The following SORCS1 variants were observed in gnomAD, a reference collection of about 807,000 sequenced individuals.
SORCS1 encodes the protein sortilin related VPS10 domain containing receptor 1, also known as VPS10 domain-containing receptor SorCS1.
A neutral mutation model predicts 146.1 loss-of-function variants in SORCS1; 60 were observed. That is an observed-to-expected ratio of 0.41 (90% CI 0.33 to 0.51). SORCS1 has a LOEUF of 0.51. Among genes scored for constraint, SORCS1 ranks in the 20% least tolerant of loss-of-function variants. SORCS1 has a pLI of 0.21. For missense variants in SORCS1, 1,352 were observed against 1,487.6 expected, an observed-to-expected ratio of 0.91 and a Z score of 1.50; for synonymous variants, 637 against 584.0, an observed-to-expected ratio of 1.09 and a Z score of -1.31.
intron 1 of SORCS1, among the ~76,000 whole-genome samples, chr10:107,098,006 C>G (rs1964653558): frequency 6.6e-6 from 1 of 152,190 alleles, no homozygotes; most frequent in African/African-American, 2.4e-5. Flanking sequence ...GTAAATCTTA[C>G]TTATAAAACA....
rs895092431 is a variant in SORCS1 at position 106,945,914 on chromosome 10, G to A, written c.626+10599C>T. On this transcript the variant is annotated intron_variant, in intron 2 of 25. Transcript: ENST00000263054. Reference sequence around the variant, plus strand: ...GAATACATGCAGATCCTTATAGAACGAGCTTTCACATGGTGAGTTCTAAGA... The same window carrying A: ...GAATACATGCAGATCCTTATAGAACAAGCTTTCACATGGTGAGTTCTAAGA... Among the ~76,000 whole-genome samples, 8 of 152,276 alleles carry A rather than the reference G, an allele frequency of 5.3e-5. No individual in the cohort carries two copies. In the South Asian group the frequency reaches 6.2e-4, roughly 12 times the overall value.
At chr10:107,025,053 A>T (rs1456538262) in intron 1 of SORCS1, among the ~76,000 whole-genome samples, 1 of 152,186 alleles carries the variant, frequency 6.6e-6, no homozygotes, top group East Asian at 1.9e-4. Flanking sequence ...TGTGAAACAC[A>T]GTGTGTTACC....
intron 5 of SORCS1, among the ~76,000 whole-genome samples, chr10:106,736,292 A>G (rs930627964): frequency 6.6e-6 from 1 of 152,220 alleles, no homozygotes; most frequent in Admixed American, 6.5e-5. Flanking sequence ...TACAAAATAA[A>G]TATCATGATG....
chr10:106,773,445 C>A (rs893978795), intron 4 of SORCS1, among the ~76,000 whole-genome samples: 2 of 152,202 alleles, frequency 1.3e-5, no homozygotes, highest in Admixed American at 6.5e-5. Flanking sequence ...ACGGCTGCGG[C>A]TCACTCCCTT....
chr10:107,162,271 G>A (rs1242187718), intron 1 of SORCS1, among the ~76,000 whole-genome samples: 1 of 152,166 alleles, frequency 6.6e-6, no homozygotes, highest in African/African-American at 2.4e-5. Flanking sequence ...TGAGTCCAAA[G>A]TCTTTTACTT....
chr10:106,666,657 A>G (rs2135427424), intron 17 of SORCS1, among the ~76,000 whole-genome samples: 1 of 151,626 alleles, frequency 6.6e-6, no homozygotes, highest in South Asian at 2.1e-4. Context: ...CCTGGGTTCA[A>G]GTGATTTTCC....
At chr10:106,869,640 C>T (rs923557980) in intron 2 of SORCS1, among the ~76,000 whole-genome samples, 3 of 151,980 alleles carry the variant, frequency 2.0e-5, no homozygotes, top group Admixed American at 6.6e-5. Flanking sequence ...TAAAATTCAA[C>T]GTCTTCTATG....
intron 23 of SORCS1, among the ~76,000 whole-genome samples, chr10:106,600,046 T>G (rs192539317): frequency 6.6e-6 from 1 of 152,304 alleles, no homozygotes; most frequent in African/African-American, 2.4e-5. Context: ...CGCCTCAGCC[T>G]CCCAAAGTGC....
rs57238882 is a variant in SORCS1 at position 106,731,292 on chromosome 10, CAAAAAA to C, written c.960-1184_960-1179del. On this transcript the variant is annotated intron_variant, in intron 5 of 25. Transcript: ENST00000263054. ...TGGGTGACGGAGTGAGACTCCGTCTCAAAAAAAAAAAAAAAAAAAAAAAAAAAAAGT... is the reference window on the plus strand; with the variant it reads ...TGGGTGACGGAGTGAGACTCCGTCTCAAAAAAAAAAAAAAAAAAAAAAAGT... Among the ~76,000 whole-genome samples the C allele has an allele frequency of 2.6e-3, 61 of 23,746 alleles. 1 individual carries two copies. Among genetic ancestry groups the C allele is most frequent in the Non-Finnish European group, 4.9e-3 (54 of 11,120 alleles). 15.6% of individuals were successfully genotyped at this position (23,746 alleles called of 152,430 possible). A position where few individuals can be genotyped will look rare whatever the true frequency, so the allele number is the denominator to read the frequency against.
At chr10:106,882,776 T>A (rs951290903) in intron 2 of SORCS1, among the ~76,000 whole-genome samples, 27 of 152,144 alleles carry the variant, frequency 1.8e-4, no homozygotes, top group African/African-American at 6.5e-4. Flanking sequence ...TAGAGAATTT[T>A]AATAAGAATG....
chr10:106,928,143 C>T (rs995840786), intron 2 of SORCS1, among the ~76,000 whole-genome samples: 5 of 152,214 alleles, frequency 3.3e-5, no homozygotes, highest in Non-Finnish European at 5.9e-5. Context: ...GGACTGGGCG[C>T]CGTGGAGCAG....
At chr10:106,966,541 C>T (rs915017478) in intron 1 of SORCS1, among the ~76,000 whole-genome samples, 5 of 152,162 alleles carry the variant, frequency 3.3e-5, no homozygotes, top group Non-Finnish European at 7.3e-5. Context: ...TTGAGTGAAA[C>T]AGCCACTGCA....
At chr10:106,708,171 C>T (rs992822749) in intron 7 of SORCS1, among the ~76,000 whole-genome samples, 5 of 152,018 alleles carry the variant, frequency 3.3e-5, no homozygotes, top group African/African-American at 7.2e-5. Context: ...TGTAACTATT[C>T]GAATGTCCAT....
At chr10:107,072,904 C>T (rs143881366) in intron 1 of SORCS1, among the ~76,000 whole-genome samples, 2 of 152,198 alleles carry the variant, frequency 1.3e-5, no homozygotes, top group African/African-American at 4.8e-5. Flanking sequence ...CTAAAAAGGC[C>T]ACTTTCCTAG....
At chr10:106,740,891 T>C (rs1008045045) in intron 5 of SORCS1, among the ~76,000 whole-genome samples, 2 of 152,232 alleles carry the variant, frequency 1.3e-5, no homozygotes, top group Admixed American at 1.3e-4. Context: ...TAATAAAAGA[T>C]ACAATCAGAC....
intron 2 of SORCS1, among the ~76,000 whole-genome samples, chr10:106,930,231 G>C (rs376303940): frequency 6.6e-6 from 1 of 151,934 alleles, no homozygotes; most frequent in African/African-American, 2.4e-5. Flanking sequence ...GCAGTGAGCC[G>C]AGATCGTGCC....
At chr10:107,046,347 C>A (rs972141745) in intron 1 of SORCS1, among the ~76,000 whole-genome samples, 1 of 152,230 alleles carries the variant, frequency 6.6e-6, no homozygotes, top group Middle Eastern at 3.4e-3. Context: ...ACTGAGATTA[C>A]AGGCATGAGC....
intron 4 of SORCS1, among the ~76,000 whole-genome samples, chr10:106,766,097 C>T (rs1859547573): frequency 3.3e-5 from 5 of 152,302 alleles, no homozygotes; most frequent in Admixed American, 3.3e-4. Flanking sequence ...CCTGGGGATC[C>T]TCCACACAGG....
intron 1 of SORCS1, among the ~76,000 whole-genome samples, chr10:107,074,009 A>G (rs946151635): frequency 2.6e-5 from 4 of 152,182 alleles, no homozygotes; most frequent in African/African-American, 9.7e-5. Flanking sequence ...AGAATGGTAC[A>G]TTCATTACAA....
Sources: allele counts gnomAD v4.1 joint callset (sites outside exome capture counted in the v4.1 genomes callset), GRCh38; gene constraint gnomAD v4.1.1; transcripts MANE v1.5; gene names NCBI Gene and HGNC (gene_info 2026-07-23, HGNC 2026-07-21).